The following LYRM4 variants were observed in gnomAD, a reference collection of about 807,000 sequenced individuals.
LYRM4 encodes the protein LYR motif containing 4.
Under a neutral mutation model 11.7 loss-of-function variants are expected in LYRM4, and 9 were observed. That is an observed-to-expected ratio of 0.77 (90% CI 0.46 to 1.34). The LOEUF is 1.34. Ranked by LOEUF, LYRM4 falls within the 40% of genes most tolerant of loss-of-function variation. The pLI, the probability that LYRM4 is intolerant of heterozygous loss-of-function variation, is 0.00. For missense variants in LYRM4, 133 were observed against 112.5 expected, an observed-to-expected ratio of 1.18 and a Z score of -0.82; for synonymous variants, 42 against 40.4, an observed-to-expected ratio of 1.04 and a Z score of -0.15.
At position 5,256,490 on chromosome 6, in the gene LYRM4, G is replaced by GAAAAAAAAAAAAAA. The variant is rs777995486; in HGVS notation, c.86+4157_86+4158insTTTTTTTTTTTTTT. Among the ~76,000 whole-genome samples the GAAAAAAAAAAAAAA allele has an allele frequency of 1.8e-3, 67 of 37,522 alleles. 22 individuals are homozygous for GAAAAAAAAAAAAAA. Among genetic ancestry groups the GAAAAAAAAAAAAAA allele is most frequent in the Non-Finnish European group, 2.3e-3 (42 of 18,394 alleles). 24.6% of individuals were successfully genotyped at this position (37,522 alleles called of 152,430 possible). On this transcript the variant is annotated intron_variant, in intron 1 of 2. Transcript: ENST00000330636. ...GGGCAACAAGGGCAAGATTTCAACT[G>GAAAAAAAAAAAAAA]GAAAAAAAAAAAAAAAAAAAAAAAA...
intron 1 of LYRM4, among the ~76,000 whole-genome samples, chr6:5,220,842 C>CT (rs765639984): frequency 5.9e-5 from 9 of 152,236 alleles, no homozygotes; most frequent in Non-Finnish European, 1.0e-4. Flanking sequence ...TTTTAGGTTT[C>CT]TTTTTTCAGA....
At chr6:5,159,291 T>C (rs1050732176) in intron 2 of LYRM4, among the ~76,000 whole-genome samples, 38 of 152,140 alleles carry the variant, frequency 2.5e-4, no homozygotes, top group African/African-American at 8.9e-4. Context: ...GATTATGCAA[T>C]GCTGGGACAA....
intron 2 of LYRM4, among the ~76,000 whole-genome samples, chr6:5,153,531 C>T (rs1758213576): frequency 6.6e-6 from 1 of 152,236 alleles, no homozygotes; most frequent in Admixed American, 6.5e-5. Context: ...CCGGGGGCAA[C>T]TCACAGAACC....
chr6:5,067,030 G>T, the LYRM4 span: 1 of 458,280 alleles, frequency 2.2e-6, no homozygotes, highest in Non-Finnish European at 3.6e-6. Context: ...GGTTGCTACT[G>T]CAGTGAACCC....
the LYRM4 span, chr6:5,085,954 C>T: frequency 6.5e-7 from 1 of 1,527,282 alleles, no homozygotes; most frequent in Non-Finnish European, 8.7e-7. Flanking sequence ...GCCGCAGGTG[C>T]CGCCCGCCGT....
At chr6:5,133,052 G>A (rs2127614940) in intron 2 of LYRM4, among the ~76,000 whole-genome samples, 1 of 152,316 alleles carries the variant, frequency 6.6e-6, no homozygotes, top group East Asian at 1.9e-4. Context: ...AATCAGGACT[G>A]GTTACTTTGT....
chr6:5,186,773 C>A, intron 2 of LYRM4: 1 of 685,976 alleles, frequency 1.5e-6, no homozygotes, highest in Non-Finnish European at 2.0e-6. Context: ...CACTTGAGGT[C>A]AGGACTTCGA....
chr6:5,218,608 A>AC (rs1762412233), intron 1 of LYRM4, among the ~76,000 whole-genome samples: 1 of 152,144 alleles, frequency 6.6e-6, no homozygotes, highest in South Asian at 2.1e-4. Context: ...TTTGATCTTA[A>AC]CCCTCTGTGA....
At chr6:5,038,622 G>A in the LYRM4 span, among the ~76,000 whole-genome samples, 5 of 64,394 alleles carry the variant, frequency 7.8e-5, 2 homozygotes, top group African/African-American at 2.1e-4. Context: ...ACGAGACTCC[G>A]TCCGCAATCC....
intron 1 of LYRM4, among the ~76,000 whole-genome samples, chr6:5,256,547 CTTATTGGTCTCAGGACCCTT>C (rs1246549538): frequency 5.3e-5 from 6 of 113,732 alleles, no homozygotes; most frequent in African/African-American, 1.9e-4. Flanking sequence ...GGTTCTTAAA[CTTATTGGTCTCAGGACCCTT>C]TTACACTGTG....
chr6:5,204,575 G>A (rs747736094), intron 2 of LYRM4, among the ~76,000 whole-genome samples: 2 of 152,188 alleles, frequency 1.3e-5, no homozygotes, highest in South Asian at 2.1e-4. Context: ...CTCACTGAGC[G>A]CTAGTCAGAG....
intron 1 of LYRM4, among the ~76,000 whole-genome samples, chr6:5,251,504 A>G (rs996897116): frequency 6.6e-6 from 1 of 152,186 alleles, no homozygotes; most frequent in African/African-American, 2.4e-5. Flanking sequence ...GAGCAGACAC[A>G]TCACAGGCCA....
intron 2 of LYRM4, among the ~76,000 whole-genome samples, chr6:5,170,725 C>T (rs764457712): frequency 1.3e-5 from 2 of 152,220 alleles, no homozygotes; most frequent in Non-Finnish European, 1.5e-5. Flanking sequence ...AACAAACACA[C>T]ACCCTTTTCT....
intron 2 of LYRM4, among the ~76,000 whole-genome samples, chr6:5,192,580 A>T (rs1310682820): frequency 6.6e-6 from 1 of 152,170 alleles, no homozygotes; most frequent in Non-Finnish European, 1.5e-5. Context: ...TTAGCACAGG[A>T]CAGAATGCCT....
chr6:5,178,938 T>C (rs1759893202), intron 2 of LYRM4, among the ~76,000 whole-genome samples: 1 of 150,588 alleles, frequency 6.6e-6, no homozygotes, highest in Non-Finnish European at 1.5e-5. Flanking sequence ...TTTCAAAAGC[T>C]GAATAAAGCA....
At chr6:5,142,923 TCCCAGGAGGCCGCATCGCGGGCCGGTCC>T (rs1757486629) in intron 2 of LYRM4, among the ~76,000 whole-genome samples, 1 of 152,222 alleles carries the variant, frequency 6.6e-6, no homozygotes, top group African/African-American at 2.4e-5. Context: ...TGCAGATGTC[TCCCAGGAGGCCGCATCGCGGGCCGGTCC>T]CCTGTGTTTT....
At chr6:5,190,714 G>T (rs1760703939) in intron 2 of LYRM4, among the ~76,000 whole-genome samples, 1 of 152,140 alleles carries the variant, frequency 6.6e-6, no homozygotes, top group Admixed American at 6.5e-5. Flanking sequence ...TTACTCATGT[G>T]TTGTCATAAG....
intron 2 of LYRM4, among the ~76,000 whole-genome samples, chr6:5,216,078 C>T (rs993824304): frequency 2.0e-5 from 3 of 152,106 alleles, no homozygotes; most frequent in Non-Finnish European, 4.4e-5. Flanking sequence ...GGCACTTCCA[C>T]AAAACGAAAA....
chr6:5,033,713 A>G, the LYRM4 span: 1 of 152,314 alleles, frequency 6.6e-6, no homozygotes, highest in Admixed American at 6.5e-5. Flanking sequence ...GGCAGTCCAC[A>G]GCTTCTGGGA....
Sources: gnomAD v4.1 joint callset for allele counts (sites outside exome capture counted in the v4.1 genomes callset) on GRCh38, gnomAD v4.1.1 for gene constraint, MANE v1.5 for transcripts, NCBI Gene and HGNC (gene_info 2026-07-23, HGNC 2026-07-21) for gene names.